DEUP1: variants seen among roughly 807,000 people sequenced by gnomAD.
DEUP1 encodes the protein coiled-coil domain containing 67.
In DEUP1, 82 loss-of-function variants were observed where a neutral mutation model predicts 87.4. The ratio of observed to expected loss-of-function variants is 0.94; its 90% CI spans 0.78 to 1.13. The LOEUF (loss-of-function observed/expected upper bound fraction) is 1.13. Among genes scored for constraint, DEUP1 ranks in the 50% most tolerant of loss-of-function variants. DEUP1 has a pLI of 0.00. For missense variants in DEUP1, 663 were observed against 681.5 expected (o/e 0.97, Z 0.30); for synonymous variants, 214 against 222.7 (o/e 0.96, Z 0.35).
chr11:93,413,972 TTAA>T (rs1270249814), intron 12 of DEUP1, among the ~76,000 whole-genome samples: 1 of 152,168 alleles, frequency 6.6e-6, no homozygotes, highest in Non-Finnish European at 1.5e-5. Flanking sequence ...TCAGATTAGT[TTAA>T]TAATAATAAT....
chr11:93,374,826 A>C (rs1240619153), intron 7 of DEUP1, among the ~76,000 whole-genome samples: 1 of 151,990 alleles, frequency 6.6e-6, no homozygotes, highest in East Asian at 1.9e-4. Flanking sequence ...TTATGGTGGT[A>C]TTTTGATGGG....
chr11:93,420,027 C>A lies in DEUP1; in HGVS notation c.1638+4913C>A, dbSNP rs184397291. Among the ~76,000 whole-genome samples, 816 of 152,134 alleles carry A rather than the reference C, an allele frequency of 5.4e-3. 10 individuals are homozygous for A. The highest frequency in any genetic ancestry group is 0.018 in the African/African-American group (750 of 41,502). ...CCCTTCCTTCTGAAACCATTCCAATCAATAGAAAAAGAGGGAATCCTCCCT... is the reference window on the plus strand; with the variant it reads ...CCCTTCCTTCTGAAACCATTCCAATAAATAGAAAAAGAGGGAATCCTCCCT... On this transcript the variant is annotated intron_variant, in intron 13 of 13. Transcript: ENST00000298050.
At position 93,415,517 on chromosome 11, in the gene DEUP1, AC is replaced by A. The variant is rs367951100; in HGVS notation, c.1638+404del. ...CTCTGCCGTAAGTGTAGACACAGGT[AC>A]AAATCATAAATGGACAGCTTGATGA... On this transcript the variant is annotated intron_variant, in intron 13 of 13. Transcript: ENST00000298050. Among the ~76,000 whole-genome samples, 1,202 of 152,106 alleles carry A rather than the reference AC, an allele frequency of 7.9e-3. 15 individuals carry two copies. Among genetic ancestry groups the A allele is most frequent in the African/African-American group, 0.028 (1,157 of 41,488 alleles).
chr11:93,350,247 G>C (rs1016635175), intron 2 of DEUP1, among the ~76,000 whole-genome samples: 7 of 152,076 alleles, frequency 4.6e-5, no homozygotes, highest in African/African-American at 1.4e-4. Context: ...CTCTAATATT[G>C]AACACTGACA....
chr11:93,350,753 C>A (rs564055473), intron 2 of DEUP1, among the ~76,000 whole-genome samples: 1 of 151,532 alleles, frequency 6.6e-6, no homozygotes, highest in African/African-American at 2.4e-5. Flanking sequence ...AGTTTGAGAC[C>A]AGCCTGGCCA....
At chr11:93,398,161 A>G (rs2134378937) in intron 11 of DEUP1, among the ~76,000 whole-genome samples, 1 of 152,300 alleles carries the variant, frequency 6.6e-6, no homozygotes. Flanking sequence ...AAGTTGAATC[A>G]TAACACGTAC....
chr11:93,338,433 G>T (rs535257632), intron 2 of DEUP1, among the ~76,000 whole-genome samples: 17 of 149,842 alleles, frequency 1.1e-4, no homozygotes, highest in East Asian at 9.8e-4. Flanking sequence ...CTGAGGCAGG[G>T]TCTTGCTCTG....
intron 7 of DEUP1, among the ~76,000 whole-genome samples, chr11:93,379,089 A>T (rs560248351): frequency 6.6e-6 from 1 of 152,302 alleles, no homozygotes; most frequent in East Asian, 1.9e-4. Flanking sequence ...CCCTTCAGTG[A>T]AGTTCACCTT....
chr11:93,387,939 T>C (rs996416426), intron 8 of DEUP1, among the ~76,000 whole-genome samples: 14 of 152,006 alleles, frequency 9.2e-5, no homozygotes, highest in Admixed American at 2.0e-4. Flanking sequence ...TAGGGAAAAA[T>C]ATATTTACCG....
intron 7 of DEUP1, among the ~76,000 whole-genome samples, chr11:93,375,518 T>C (rs1945996148): frequency 6.6e-6 from 1 of 152,188 alleles, no homozygotes; most frequent in South Asian, 2.1e-4. Flanking sequence ...TGTCACATAA[T>C]TTTTCTGTGT....
At chr11:93,380,613 C>G (rs1011862939) in intron 7 of DEUP1, among the ~76,000 whole-genome samples, 3 of 151,936 alleles carry the variant, frequency 2.0e-5, no homozygotes, top group Admixed American at 1.3e-4. Flanking sequence ...CCAAGTTAGG[C>G]AGGATGATCT....
At chr11:93,340,214 A>G (rs1194593023) in intron 2 of DEUP1, among the ~76,000 whole-genome samples, 1 of 152,206 alleles carries the variant, frequency 6.6e-6, no homozygotes, top group Non-Finnish European at 1.5e-5. Flanking sequence ...ATAGAGAGTT[A>G]CAGAGTAAAT....
intron 7 of DEUP1, among the ~76,000 whole-genome samples, chr11:93,384,119 C>A (rs1318945643): frequency 6.6e-6 from 1 of 152,204 alleles, no homozygotes. Flanking sequence ...AATCACCCAA[C>A]AGGCCATGGT....
At chr11:93,385,588 T>C in intron 8 of DEUP1, 45 bp downstream of exon 8, 1 of 1,463,592 alleles carries the variant, frequency 6.8e-7, no homozygotes. Flanking sequence ...GTTCAAAACA[T>C]GATGTTTGAA....
chr11:93,357,129 C>T, intron 4 of DEUP1, 86 bp downstream of exon 4: 1 of 776,732 alleles, frequency 1.3e-6, no homozygotes, highest in Non-Finnish European at 2.1e-6. Flanking sequence ...AAACTGTTTT[C>T]AGTATAAACA....
At chr11:93,431,153 A>G (rs1948096309) in intron 13 of DEUP1, among the ~76,000 whole-genome samples, 1 of 151,768 alleles carries the variant, frequency 6.6e-6, no homozygotes, top group South Asian at 2.1e-4. Context: ...AAATGCTGTG[A>G]TGAAAAGAAA....
In DEUP1 at chr11:93,384,683, A is replaced by G. The variant is rs528548354; in HGVS notation, c.790-715A>G. On this transcript the variant is annotated intron_variant, in intron 7 of 13. Transcript: ENST00000298050. ...ATTCATTTTGTTGGCCAGCTTTGCC[A>G]TTAGCTTATTCTTGATTATTATCTT... Among the ~76,000 whole-genome samples the G allele has an allele frequency of 2.9e-3, 437 of 152,352 alleles. 2 individuals are homozygous for G. The highest frequency in any genetic ancestry group is 0.01 in the Middle Eastern group (3 of 294).
At chr11:93,366,499 C>A (rs189425217) in intron 5 of DEUP1, among the ~76,000 whole-genome samples, 1 of 152,260 alleles carries the variant, frequency 6.6e-6, no homozygotes, top group East Asian at 1.9e-4. Context: ...AATCTACAGA[C>A]CCTCTGAAGC....
Position 93,387,269 on chromosome 11 carries a change from G to A in DEUP1, c.935+1726G>A, listed in dbSNP as rs868501947. On this transcript the variant is annotated intron_variant, in intron 8 of 13. Transcript: ENST00000298050. ...TTCTCATATGAATGCTGTTCTATCAGCTTTATTGTTTTGGTTTATTTTATT... is the reference window on the plus strand; with the variant it reads ...TTCTCATATGAATGCTGTTCTATCAACTTTATTGTTTTGGTTTATTTTATT... 3.3e-5 allele frequency among the ~76,000 whole-genome samples: 5 copies of A among 152,128 alleles called. No homozygotes were observed. The South Asian group carries it at 1.0e-3, about 32-fold the overall frequency.
Sources: gnomAD v4.1 joint callset for allele counts (sites outside exome capture counted in the v4.1 genomes callset) on GRCh38, gnomAD v4.1.1 for gene constraint, MANE v1.5 for transcripts, NCBI Gene and HGNC (gene_info 2026-07-23, HGNC 2026-07-21) for gene names.